PRELID2: variants seen among roughly 807,000 people sequenced by gnomAD.
PRELID2 encodes the protein PRELI domain-containing protein 2.
PRELID2 carries 25 observed loss-of-function variants against 28.4 expected under a neutral mutation model. That is an observed-to-expected ratio of 0.88 (90% CI 0.64 to 1.23). PRELID2 has a LOEUF of 1.23. Ranked by LOEUF, PRELID2 falls within the 50% of genes most tolerant of loss-of-function variation. The pLI is 0.00. For synonymous variants in PRELID2, 76 were observed against 71.6 expected (o/e 1.06, Z -0.31); for missense variants, 201 against 214.4 (o/e 0.94, Z 0.39).
At chr5:145,648,841 T>C (rs1754240284) in intron 1 of PRELID2, among the ~76,000 whole-genome samples, 1 of 150,484 alleles carries the variant, frequency 6.6e-6, no homozygotes, top group Non-Finnish European at 1.5e-5. Context: ...ATAATATACA[T>C]ATACATTTTA....
intron 1 of PRELID2, among the ~76,000 whole-genome samples, chr5:145,595,147 G>T (rs537984410): frequency 4.7e-5 from 5 of 107,360 alleles, no homozygotes; most frequent in African/African-American, 1.8e-4. Context: ...AGAAGAAGAA[G>T]AAGAGTCATA....
chr5:145,318,220 A>G, the PRELID2 span, among the ~76,000 whole-genome samples: 1 of 152,194 alleles, frequency 6.6e-6, no homozygotes, highest in African/African-American at 2.4e-5. Flanking sequence ...AAAGGCTAAC[A>G]TAGTGGTGCC....
intron 1 of PRELID2, among the ~76,000 whole-genome samples, chr5:145,513,424 G>C (rs1049882725): frequency 6.6e-6 from 1 of 151,822 alleles, no homozygotes; most frequent in Non-Finnish European, 1.5e-5. Context: ...AAAGTGTGAA[G>C]ACAAGCTTAG....
At chr5:145,270,289 AT>A in the PRELID2 span, among the ~76,000 whole-genome samples, 1 of 152,144 alleles carries the variant, frequency 6.6e-6, no homozygotes. Context: ...ACTTACAAAA[AT>A]ATTCATTGTA....
At chr5:145,728,632 A>G in intron 1 of PRELID2, 1 of 1,241,264 alleles carries the variant, frequency 8.1e-7, no homozygotes, top group African/African-American at 1.5e-5. Flanking sequence ...TAGACTCCAT[A>G]ACGAACATAA....
At chr5:145,519,008 T>C (rs17477099) in intron 1 of PRELID2, among the ~76,000 whole-genome samples, 28,462 of 152,240 alleles carry the variant, frequency 0.19, 3,022 homozygotes, top group South Asian at 0.36. Flanking sequence ...ACTATTCTGA[T>C]GTTGCCACTG....
chr5:145,605,930 T>C (rs1220484698), intron 1 of PRELID2, among the ~76,000 whole-genome samples: 1 of 152,088 alleles, frequency 6.6e-6, no homozygotes, highest in African/African-American at 2.4e-5. Flanking sequence ...GTTTGTGTCA[T>C]CTCTGATTTA....
the PRELID2 span, among the ~76,000 whole-genome samples, chr5:145,241,465 C>T: frequency 6.6e-6 from 1 of 152,040 alleles, no homozygotes; most frequent in Non-Finnish European, 1.5e-5. Context: ...TTGCATTTTA[C>T]ATGTTTCGTT....
chr5:145,495,536 A>G (rs947537379), intron 1 of PRELID2, among the ~76,000 whole-genome samples: 12 of 152,176 alleles, frequency 7.9e-5, no homozygotes, highest in Admixed American at 3.9e-4. Flanking sequence ...CAATTCCATC[A>G]TGAATACACC....
chr5:145,703,748 G>A (rs1755471221), intron 1 of PRELID2, among the ~76,000 whole-genome samples: 1 of 152,174 alleles, frequency 6.6e-6, no homozygotes, highest in African/African-American at 2.4e-5. Context: ...GAGAAGACAG[G>A]AATGGGTACT....
At chr5:145,606,159 G>C (rs1043910665) in intron 1 of PRELID2, among the ~76,000 whole-genome samples, 4 of 152,072 alleles carry the variant, frequency 2.6e-5, no homozygotes, top group African/African-American at 9.7e-5. Context: ...AGATTTAGTA[G>C]CTTTAGGGCC....
At chr5:145,302,825 GTAAA>G in the PRELID2 span, among the ~76,000 whole-genome samples, 1 of 152,048 alleles carries the variant, frequency 6.6e-6, no homozygotes, top group Non-Finnish European at 1.5e-5. Context: ...AGTAACAGTA[GTAAA>G]GGTTCTAATA....
At position 145,741,012 on chromosome 5, in the gene PRELID2, A is replaced by G. The variant is rs1211778262; in HGVS notation, n.70+23919T>C. 2.6e-5 allele frequency among the ~76,000 whole-genome samples: 3 copies of G among 116,880 alleles called. No individual in the cohort carries two copies. The East Asian group carries it at 8.4e-4, about 33-fold the overall frequency. The allele number at this position is 116,880 out of a possible 152,430, so 76.7% of individuals were successfully genotyped here. On this transcript the variant is annotated intron_variant and non_coding_transcript_variant, in intron 1 of 2. Transcript: ENST00000510259. Reference sequence around the variant, plus strand: ...AATAAAATATATATTATATATTTGTATACAAATAAAATATATATTATATAT... The same window carrying G: ...AATAAAATATATATTATATATTTGTGTACAAATAAAATATATATTATATAT...
chr5:145,817,423 A>T (rs1310052798), intron 4 of PRELID2, among the ~76,000 whole-genome samples: 4 of 130,350 alleles, frequency 3.1e-5, no homozygotes, highest in South Asian at 2.4e-4. Flanking sequence ...AGCTAGTTTT[A>T]TATATATATA....
At chr5:145,247,751 A>G in the PRELID2 span, among the ~76,000 whole-genome samples, 2 of 152,174 alleles carry the variant, frequency 1.3e-5, no homozygotes, top group African/African-American at 4.8e-5. Flanking sequence ...AACAGGAGCT[A>G]GAATTAGAAG....
At chr5:145,502,044 AT>A (rs1306046510) in intron 1 of PRELID2, among the ~76,000 whole-genome samples, 1 of 152,112 alleles carries the variant, frequency 6.6e-6, no homozygotes, top group African/African-American at 2.4e-5. Flanking sequence ...TTATTAGTTC[AT>A]TCTCACACTG....
At chr5:145,441,438 C>T in the PRELID2 span, among the ~76,000 whole-genome samples, 3 of 152,020 alleles carry the variant, frequency 2.0e-5, no homozygotes, top group South Asian at 6.2e-4. Context: ...TCTCAGTTTC[C>T]CATCTCACTC....
At chr5:145,560,313 G>A (rs1752915897) in intron 1 of PRELID2, among the ~76,000 whole-genome samples, 1 of 152,168 alleles carries the variant, frequency 6.6e-6, no homozygotes, top group East Asian at 1.9e-4. Flanking sequence ...GTAAGCTCAA[G>A]TGCCACAAAA....
chr5:145,787,988 G>T (rs952103833), intron 5 of PRELID2, among the ~76,000 whole-genome samples: 3 of 152,106 alleles, frequency 2.0e-5, no homozygotes, highest in African/African-American at 7.2e-5. Context: ...ATGAAAAAAG[G>T]GTTGAGAAAC....
Sources: allele counts gnomAD v4.1 joint callset (sites outside exome capture counted in the v4.1 genomes callset), GRCh38; gene constraint gnomAD v4.1.1; transcripts MANE v1.5; gene names NCBI Gene and HGNC (gene_info 2026-07-23, HGNC 2026-07-21).